The following ATP6V1H variants were observed in gnomAD, a reference collection of about 807,000 sequenced individuals.
ATP6V1H encodes V-type proton ATPase subunit H.
In ATP6V1H, 39 loss-of-function variants were observed where a neutral mutation model predicts 71.7. That is an observed-to-expected ratio of 0.54 (90% CI 0.42 to 0.71). ATP6V1H has a LOEUF of 0.71. ATP6V1H is among the 30% of genes least tolerant of loss of function. The pLI is 0.00. For synonymous variants in ATP6V1H, 192 were observed against 199.3 expected (o/e 0.96, Z 0.31); for missense variants, 509 against 594.9 (o/e 0.86, Z 1.50).
intron 12 of ATP6V1H, 123 bp from the exon 13 acceptor site, chr8:53,743,813 C>T (rs748797236): frequency 1.5e-5 from 9 of 619,466 alleles, no homozygotes; most frequent in Admixed American, 6.2e-5. Context: ...ATAAACCAAA[C>T]GTGTCTTTTT....
chr8:53,813,246 A>G (rs1374765693), intron 6 of ATP6V1H, among the ~76,000 whole-genome samples: 1 of 152,220 alleles, frequency 6.6e-6, no homozygotes, highest in Admixed American at 6.5e-5. Context: ...AATTGATGCT[A>G]TTAACATAAA....
intron 2 of ATP6V1H, among the ~76,000 whole-genome samples, chr8:53,841,110 A>G (rs1347816108): frequency 1.3e-5 from 2 of 152,234 alleles, no homozygotes; most frequent in Non-Finnish European, 2.9e-5. Context: ...TGATTTGCTT[A>G]AGATCACCAA....
chr8:53,832,935 C>T (rs1251182852), intron 3 of ATP6V1H, 49 bp downstream of exon 3: 3 of 1,318,672 alleles, frequency 2.3e-6, no homozygotes, highest in Admixed American at 2.1e-5. Context: ...TTTTTCTAAA[C>T]TTTTGGATGA....
chr8:53,777,390 T>C (rs1808930948), intron 9 of ATP6V1H, among the ~76,000 whole-genome samples: 2 of 151,022 alleles, frequency 1.3e-5, no homozygotes, highest in African/African-American at 2.4e-5. Flanking sequence ...TCAGAAACGA[T>C]GGAGATGATT....
intron 7 of ATP6V1H, among the ~76,000 whole-genome samples, chr8:53,808,800 C>CA (rs59475877): frequency 0.035 from 2,808 of 79,938 alleles, 55 homozygotes; most frequent in African/African-American, 0.096. Context: ...GACTCCATCT[C>CA]AAAAAAAAAA....
chr8:53,772,839 A>G (rs1808714109), intron 9 of ATP6V1H, among the ~76,000 whole-genome samples: 1 of 151,514 alleles, frequency 6.6e-6, no homozygotes, highest in Admixed American at 6.6e-5. Context: ...AGAAGCAACA[A>G]GACAGACCTC....
intron 11 of ATP6V1H, among the ~76,000 whole-genome samples, chr8:53,767,978 C>A (rs1322696799): frequency 1.3e-5 from 2 of 152,178 alleles, no homozygotes; most frequent in African/African-American, 2.4e-5. Flanking sequence ...TCAAAGGACA[C>A]TATCAACAAA....
intron 12 of ATP6V1H, among the ~76,000 whole-genome samples, chr8:53,746,732 T>G (rs1455494887): frequency 1.3e-5 from 2 of 152,188 alleles, no homozygotes; most frequent in Non-Finnish European, 2.9e-5. Context: ...AAGCACCAAT[T>G]ATTTTCAGAT....
intron 9 of ATP6V1H, among the ~76,000 whole-genome samples, chr8:53,782,007 T>C (rs1013798987): frequency 6.6e-6 from 1 of 152,254 alleles, no homozygotes; most frequent in African/African-American, 2.4e-5. Flanking sequence ...TGGCTTAGGA[T>C]TAACTTGGCA....
chr8:53,745,466 C>G (rs1357777378), intron 12 of ATP6V1H, among the ~76,000 whole-genome samples: 2 of 152,100 alleles, frequency 1.3e-5, no homozygotes, highest in Non-Finnish European at 2.9e-5. Context: ...GGTCCTTTCA[C>G]AGTCAGCTTT....
At chr8:53,799,550 G>T (rs1015341803) in intron 8 of ATP6V1H, among the ~76,000 whole-genome samples, 4 of 152,178 alleles carry the variant, frequency 2.6e-5, no homozygotes, top group African/African-American at 9.7e-5. Flanking sequence ...CCTTTGGCTG[G>T]CTTCTGGGAA....
In ATP6V1H at chr8:53,743,662, G is replaced by C. The variant is rs779657566; in HGVS notation, c.1306C>G (p.Leu436Val). The stretch of plus-strand genomic sequence containing the variant: ...TCATGATGCATGTGGTTCATGACCA[G>C]CTGCTTCCCACCGAGCTGCTCGATG... ...RVIEQLGGKQ[L>V]VMNHMHHEDQ... The change falls in exon 13 of 14, where the codon CTG becomes GTG. Residue 436 changes from leucine to valine, a missense_variant. Leu to Val is a conservative substitution (Grantham distance 32). Coordinates refer to ENST00000359530, the MANE Select transcript of ATP6V1H (RefSeq NM_015941.4). 1.9e-6 allele frequency: 3 copies of C among 1,612,910 alleles called. No individual in the cohort carries two copies. In the East Asian group the frequency reaches 6.7e-5, roughly 36 times the overall value.
At chr8:53,719,120 C>G (rs138494873) in intron 13 of ATP6V1H, among the ~76,000 whole-genome samples, 136 of 152,270 alleles carry the variant, frequency 8.9e-4, no homozygotes, top group Non-Finnish European at 1.7e-3. Flanking sequence ...CTAACCTATA[C>G]GAACTTTGGG....
At chr8:53,768,248 A>C (rs944728371) in intron 11 of ATP6V1H, among the ~76,000 whole-genome samples, 3 of 152,188 alleles carry the variant, frequency 2.0e-5, no homozygotes, top group African/African-American at 4.8e-5. Context: ...CTGCACACTC[A>C]CTCAGTGTGA....
At chr8:53,829,293 G>A (rs1460810860) in intron 4 of ATP6V1H, 151 bp downstream of exon 4, 2 of 556,492 alleles carry the variant, frequency 3.6e-6, no homozygotes, top group East Asian at 7.5e-5. Context: ...AGCTCTATTA[G>A]CAAATTACAA....
chr8:53,723,421 A>G (rs1168624090), intron 13 of ATP6V1H, among the ~76,000 whole-genome samples: 4 of 152,078 alleles, frequency 2.6e-5, no homozygotes, highest in Non-Finnish European at 5.9e-5. Context: ...GTCTTTTACA[A>G]TCCAAAATCC....
intron 9 of ATP6V1H, among the ~76,000 whole-genome samples, chr8:53,786,990 C>A (rs182791073): frequency 1.3e-5 from 2 of 152,200 alleles, no homozygotes; most frequent in Admixed American, 6.5e-5. Context: ...GAATGAATTT[C>A]AAGACATGTA....
intron 6 of ATP6V1H, among the ~76,000 whole-genome samples, chr8:53,811,467 C>T (rs1810271775): frequency 6.6e-6 from 1 of 152,156 alleles, no homozygotes; most frequent in African/African-American, 2.4e-5. Context: ...AAACTGACTA[C>T]TAAGCTCCAG....
intron 9 of ATP6V1H, among the ~76,000 whole-genome samples, chr8:53,781,310 C>T (rs1216049250): frequency 6.6e-6 from 1 of 152,172 alleles, no homozygotes; most frequent in African/African-American, 2.4e-5. Context: ...AGCATTTTTT[C>T]ATGTGTTTTA....
Sources: allele counts gnomAD v4.1 joint callset (sites outside exome capture counted in the v4.1 genomes callset), GRCh38; gene constraint gnomAD v4.1.1; transcripts MANE v1.5; gene names NCBI Gene and HGNC (gene_info 2026-07-23, HGNC 2026-07-21).